The following PANX2 variants were observed in gnomAD, a reference collection of about 807,000 sequenced individuals.
PANX2 encodes pannexin 2, also known as pannexin-2.
In PANX2, 30 loss-of-function variants were observed where a neutral mutation model predicts 38.7. The ratio of observed to expected loss-of-function variants is 0.78; its 90% CI spans 0.58 to 1.05. The LOEUF is 1.05. Among genes scored for constraint, PANX2 ranks in the 50% least tolerant of loss-of-function variants. PANX2 has a pLI of 0.00. For missense variants in PANX2, 880 were observed against 979.3 expected (o/e 0.90, Z 1.35); for synonymous variants, 539 against 472.1 (o/e 1.14, Z -1.84).
chr22:50,179,196 C>A lies in PANX2; in HGVS notation c.1953C>A (p.Leu651=). ...GCCTGCCGCAGGACGTGGGGGACCTCATCGCCATCCCTGCCCCACAGCAGA... is the reference window on the plus strand; with the variant it reads ...GCCTGCCGCAGGACGTGGGGGACCTAATCGCCATCCCTGCCCCACAGCAGA... ...GPRLPQDVGD[L]IAIPAPQQIL... is the part of the protein sequence containing the mutation. Residue 651 remains leucine (L), a synonymous_variant, in exon 3 of 3, where the codon CTC becomes CTA. Transcript: ENST00000395842. 6.2e-7 allele frequency: 1 copy of A among 1,612,716 alleles called. No homozygotes were observed. Among genetic ancestry groups the A allele is most frequent in the Non-Finnish European group, 8.5e-7 (1 of 1,179,904 alleles).
chr22:50,172,668 G>A (rs989736016), intron 1 of PANX2, among the ~76,000 whole-genome samples: 1 of 151,934 alleles, frequency 6.6e-6, no homozygotes, highest in Non-Finnish European at 1.5e-5. Flanking sequence ...GCTTCCCAAA[G>A]TGCTGGGACT....
chr22:50,178,350 C>T lies in PANX2; in HGVS notation c.1638C>T (p.Phe546=), dbSNP rs1332989237. The T allele has an allele frequency of 6.7e-7, 1 of 1,494,940 alleles. No individual in the cohort carries two copies. The allele number at this position is 1,494,940 out of a possible 1,614,324, so 92.6% of individuals were successfully genotyped here. Residue 546 remains phenylalanine (F), a synonymous_variant, in exon 2 of 3, where the codon TTC becomes TTT. Transcript: ENST00000395842. ...CCTCCCGGAGCCAGGAGGGGGGCTT[C>T]CTGTCCCAGGCGGAGGACTGTGGGC... is the stretch of plus-strand genomic sequence containing the variant. ...LPASRSQEGG[F]LSQAEDCGLG...
Position 50,177,787 on chromosome 22 carries a change from A to C in PANX2, c.1075A>C (p.Lys359Gln). ...MFCNENRDHI[K>Q]SLNRLDFITN... ...CTGCAACGAGAACCGCGACCACATC[A>C]AGTCGCTCAACCGGCTGGACTTCAT... Residue 359 changes from lysine (K) to glutamine (Q), a missense_variant, in exon 2 of 3, where the codon AAG (lysine) becomes CAG (glutamine). Lys to Gln is a moderately conservative substitution (Grantham distance 53). Transcript: ENST00000395842. The C allele has an allele frequency of 6.2e-7, 1 of 1,605,028 alleles. No homozygotes were observed. Among genetic ancestry groups the C allele is most frequent in the Non-Finnish European group, 8.5e-7 (1 of 1,179,790 alleles).
chr22:50,178,497 G>A (rs978520722), intron 2 of PANX2, 95 bp downstream of exon 2: 2 of 809,726 alleles, frequency 2.5e-6, no homozygotes, highest in African/African-American at 1.8e-5. Context: ...AGGGCGCTAG[G>A]GAAGGGAGGG....
intron 1 of PANX2, 41 bp downstream of exon 1, chr22:50,170,997 G>A (rs1475766096): frequency 2.6e-6 from 3 of 1,143,950 alleles, no homozygotes; most frequent in Admixed American, 3.1e-5. Flanking sequence ...GGCAGAGGGG[G>A]CGTCCGCAGG....
intron 1 of PANX2, 141 bp downstream of exon 1, chr22:50,171,097 CT>C: frequency 2.6e-6 from 1 of 382,390 alleles, no homozygotes. Flanking sequence ...TCCCAGGCAC[CT>C]TCCACAGCCG....
intron 1 of PANX2, among the ~76,000 whole-genome samples, chr22:50,174,665 G>A (rs2063652651): frequency 1.3e-5 from 2 of 152,200 alleles, no homozygotes; most frequent in African/African-American, 4.8e-5. Flanking sequence ...CCTGCCTTCC[G>A]TTTGGACACC....
Position 50,178,096 on chromosome 22 carries a change from C to G in PANX2, c.1384C>G (p.Pro462Ala). 1 of 1,549,574 alleles carries G rather than the reference C, an allele frequency of 6.5e-7. No homozygotes were observed. Among genetic ancestry groups the G allele is most frequent in the African/African-American group, 1.4e-5 (1 of 72,964 alleles). ...GAACAGCAAGGCGGAGAAGCCGAAG[C>G]CCGCGCGCAGGAAGACGGCCACGGA... ...VENSKAEKPK[P>A]ARRKTATDTL... The change falls in exon 2 of 3, where the codon CCC (proline) becomes GCC (alanine). Residue 462 changes from proline (P) to alanine (A), a missense_variant. Physicochemically the swap from Pro to Ala is conservative, Grantham distance 27. Around this residue, in one of 4 missense-constraint regions of PANX2, gnomAD observed 445 missense variants for 404.3 expected, o/e 1.10. Transcript: ENST00000395842.
chr22:50,178,202 C>G lies in PANX2; in HGVS notation c.1490C>G (p.Pro497Arg). 2 of 1,456,218 alleles carry G rather than the reference C, an allele frequency of 1.4e-6. No individual in the cohort carries two copies. The allele number at this position is 1,456,218 out of a possible 1,614,324, so 90.2% of individuals were successfully genotyped here. A position where few individuals can be genotyped will look rare whatever the true frequency, so the allele number is the denominator to read the frequency against. ...GGGDPGPGPA[P>R]APAPPPAPDK... ...GGCGACCCGGGCCCCGGCCCCGCCC[C>G]TGCCCCCGCCCCGCCGCCCGCCCCT... is the stretch of plus-strand genomic sequence containing the variant. Residue 497 changes from proline (P) to arginine (R), a missense_variant, in exon 2 of 3, where the codon CCT (proline) becomes CGT (arginine). Pro to Arg is a moderately radical substitution (Grantham distance 103, BLOSUM62 -2). Coordinates refer to ENST00000395842, the MANE Select transcript of PANX2 (RefSeq NM_052839.4).
chr22:50,173,919 G>A (rs977631309), intron 1 of PANX2, among the ~76,000 whole-genome samples: 1 of 152,122 alleles, frequency 6.6e-6, no homozygotes, highest in Non-Finnish European at 1.5e-5. Context: ...AAGACCCCCA[G>A]CCTAGGCATG....
At chr22:50,172,912 T>TAG (rs1406136633) in intron 1 of PANX2, among the ~76,000 whole-genome samples, 46 of 149,130 alleles carry the variant, frequency 3.1e-4, no homozygotes, top group South Asian at 2.3e-3. Flanking sequence ...TTTTTTTTTT[T>TAG]TTGAGACAGA....
rs780845489 is a variant in PANX2, at chr22:50,177,554, T to C, written c.842T>C (p.Leu281Pro). The C allele has an allele frequency of 2.5e-6, 4 of 1,611,966 alleles. No individual in the cohort carries two copies. ...CCCGCGGTGCGCGTGAGCTGCAAGC[T>C]CCCGTCCGTGCAACTGCAGCGCATC... The part of the protein sequence containing the change: ...AGPAVRVSCK[L>P]PSVQLQRIIA... Residue 281 changes from leucine to proline, a missense_variant, in exon 2 of 3, where the codon CTC (leucine) becomes CCC (proline). By Grantham distance (98) the Leu-to-Pro change is moderately conservative. Transcript: ENST00000395842.
rs1414389852 is a variant in PANX2, at chr22:50,178,962, G to C, written c.1719G>C (p.Pro573=). ...KDAPLPEKEI[P]YPTEPARAGL... is the part of the protein sequence containing the mutation. Reference sequence around the variant, plus strand: ...CTCCGCTCCCCGAGAAGGAAATCCCGTACCCCACAGAGCCAGCCCGGGCAG... The same window carrying C: ...CTCCGCTCCCCGAGAAGGAAATCCCCTACCCCACAGAGCCAGCCCGGGCAG... The change falls in exon 3 of 3, where the codon CCG becomes CCC. Residue 573 remains proline (P), a synonymous_variant. Transcript: ENST00000395842. 6.3e-7 allele frequency: 1 copy of C among 1,592,754 alleles called. No homozygotes were observed. Among genetic ancestry groups the C allele is most frequent in the Admixed American group, 1.7e-5 (1 of 57,174 alleles).
chr22:50,179,317 GT>G lies in PANX2; in HGVS notation c.*41del. On this transcript the variant is annotated 3_prime_UTR_variant, in exon 3 of 3. Transcript: ENST00000395842. ...CAGGCCGCCGAGAGCCCCTCTGCCT[GT>G]GTCGTGTGGCCTGGCCAGCCTCCCG... 1.3e-6 allele frequency: 2 copies of G among 1,563,934 alleles called. No individual in the cohort carries two copies. Among genetic ancestry groups the G allele is most frequent in the Non-Finnish European group, 1.7e-6 (2 of 1,144,848 alleles).
At position 50,177,998 on chromosome 22, in the gene PANX2, AGAT is replaced by A; in HGVS notation, c.1289_1291del (p.Met430del). On this transcript the variant is annotated inframe_deletion, in exon 2 of 3. Coordinates refer to ENST00000395842, the MANE Select transcript of PANX2 (RefSeq NM_052839.4). ...CCCGTGGTCAAGCGGCCGCGCAAGA[AGAT>A]GAAGTGGATCCCCACCAGCAACCCG... 1 of 1,541,778 alleles carries A rather than the reference AGAT, an allele frequency of 6.5e-7. No individual in the cohort carries two copies. Among genetic ancestry groups the A allele is most frequent in the Non-Finnish European group, 8.7e-7 (1 of 1,148,654 alleles).
In PANX2 at chr22:50,179,165, G is replaced by GC. The variant is rs748018945; in HGVS notation, c.1927dup (p.Arg643ProfsTer121). On this transcript the variant is annotated frameshift_variant, in exon 3 of 3. Coordinates refer to ENST00000395842, the MANE Select transcript of PANX2 (RefSeq NM_052839.4). LOFTEE classifies it high-confidence loss of function. ...GAGGCCCGGGAGGAGGAGGACGGGG[G>GC]CCCCCGCCTGCCGCAGGACGTGGGG... 1.1e-5 allele frequency: 18 copies of GC among 1,604,272 alleles called. No homozygotes were observed. The highest frequency in any genetic ancestry group is 2.0e-4 in the Middle Eastern group (1 of 5,104).
intron 1 of PANX2, 50 bp downstream of exon 1, chr22:50,171,006 G>A (rs1380940675): frequency 9.5e-7 from 1 of 1,053,030 alleles, no homozygotes; most frequent in Non-Finnish European, 1.3e-6. Flanking sequence ...GGCGTCCGCA[G>A]GTGTCCGGGA....
chr22:50,175,681 G>A (rs1370299159), intron 1 of PANX2, among the ~76,000 whole-genome samples: 1 of 152,130 alleles, frequency 6.6e-6, no homozygotes, highest in Non-Finnish European at 1.5e-5. Flanking sequence ...GGGATCTGAT[G>A]ACTCATGGGA....
rs746662669 is a variant in PANX2, at chr22:50,177,549, C to T, written c.837C>T (p.Cys279=). 6.2e-7 allele frequency: 1 copy of T among 1,611,816 alleles called. No individual in the cohort carries two copies. Among genetic ancestry groups the T allele is most frequent in the Non-Finnish European group, 8.5e-7 (1 of 1,179,580 alleles). The change falls in exon 2 of 3, where the codon TGC becomes TGT. Residue 279 remains cysteine (C), a synonymous_variant. Coordinates refer to ENST00000395842, the MANE Select transcript of PANX2 (RefSeq NM_052839.4). The stretch of plus-strand genomic sequence containing the variant: ...CGGGGCCCGCGGTGCGCGTGAGCTG[C>T]AAGCTCCCGTCCGTGCAACTGCAGC... ...AGAGPAVRVS[C]KLPSVQLQRI...
Sources: allele counts gnomAD v4.1 joint callset (sites outside exome capture counted in the v4.1 genomes callset), GRCh38; gene constraint gnomAD v4.1.1; regional missense constraint gnomAD v4.1.1; transcripts MANE v1.5; gene names NCBI Gene and HGNC (gene_info 2026-07-23, HGNC 2026-07-21).